Variants in JPH1 observed in about 807,000 individuals in gnomAD.
JPH1 encodes junctophilin 1.
JPH1 carries 12 observed loss-of-function variants against 53.6 expected under a neutral mutation model. The ratio of observed to expected loss-of-function variants is 0.22; its 90% confidence interval spans 0.14 to 0.36. The LOEUF is 0.36. Ranked by LOEUF, JPH1 falls within the 10% of genes least tolerant of loss-of-function variation. The pLI, the probability that JPH1 is intolerant of heterozygous loss-of-function variation, is 1.00. For synonymous variants in JPH1, 375 were observed against 363.8 expected (o/e 1.03, Z -0.35); for missense variants, 808 against 905.5 (o/e 0.89, Z 1.38).
At chr8:74,253,930 C>T (rs906384281) in intron 3 of JPH1, among the ~76,000 whole-genome samples, 2 of 152,062 alleles carry the variant, frequency 1.3e-5, no homozygotes, top group African/African-American at 4.8e-5. Context: ...AAGTCCAGGA[C>T]CAGATGGATT....
In JPH1 at chr8:74,236,288, G is replaced by A. The variant is rs1034519551; in HGVS notation, c.*763C>T. On this transcript the variant is annotated 3_prime_UTR_variant, in exon 6 of 6. Transcript: ENST00000342232. ...AGATGGTATATTGCTATCAAAATAA[G>A]CACATTTTCACTAGCATTTTGTTGT... 5 of 152,218 alleles carry A rather than the reference G, an allele frequency of 3.3e-5. No homozygotes were observed. The highest frequency in any genetic ancestry group is 1.2e-4 in the African/African-American group (5 of 41,452). 9.4% of individuals were successfully genotyped at this position (152,218 alleles called of 1,614,324 possible).
In JPH1 at chr8:74,314,993, A is replaced by T. The variant is rs775679433; in HGVS notation, c.1007T>A (p.Leu336Gln). The part of the protein sequence containing the change: ...KEEGKYKNNI[L>Q]VRGIRKQLIP... Reference sequence around the variant, plus strand: ...AAGCTGCTTCCTTATCCCACGGACCAGAATATTATTTTTGTATTTTCCCTC... The same window carrying T: ...AAGCTGCTTCCTTATCCCACGGACCTGAATATTATTTTTGTATTTTCCCTC... Residue 336 changes from leucine (L) to glutamine (Q), a missense_variant, in exon 2 of 6, where the codon CTG (leucine) becomes CAG (glutamine). Physicochemically the swap from Leu to Gln is moderately radical, Grantham distance 113. Coordinates refer to ENST00000342232, the MANE Select transcript of JPH1 (RefSeq NM_020647.4). 7 of 1,614,100 alleles carry T rather than the reference A, an allele frequency of 4.3e-6. No homozygotes were observed. In the African/African-American group the frequency reaches 9.3e-5, roughly 22 times the overall value.
chr8:74,303,142 A>T (rs1563418829), intron 2 of JPH1, among the ~76,000 whole-genome samples: 1 of 152,148 alleles, frequency 6.6e-6, no homozygotes, highest in African/African-American at 2.4e-5. Context: ...TACTTCTTAA[A>T]AAGAGCTGTG....
chr8:74,313,093 A>G (rs545282671), intron 2 of JPH1, among the ~76,000 whole-genome samples: 100 of 152,338 alleles, frequency 6.6e-4, no homozygotes, highest in Non-Finnish European at 9.4e-4. Context: ...ACTAATGATA[A>G]GTCGTTTGTT....
chr8:74,292,107 T>G (rs565367022), intron 2 of JPH1, among the ~76,000 whole-genome samples: 126 of 152,268 alleles, frequency 8.3e-4, no homozygotes, highest in Non-Finnish European at 1.5e-3. Context: ...CACACCAACA[T>G]GGCACATGTA....
intron 3 of JPH1, among the ~76,000 whole-genome samples, chr8:74,247,428 A>T (rs1272944095): frequency 1.3e-5 from 2 of 152,214 alleles, no homozygotes; most frequent in African/African-American, 4.8e-5. Context: ...ATGCTGAAAC[A>T]ATTACATAAA....
intron 2 of JPH1, among the ~76,000 whole-genome samples, chr8:74,261,798 G>A (rs1440271287): frequency 6.6e-6 from 1 of 152,154 alleles, no homozygotes; most frequent in Non-Finnish European, 1.5e-5. Flanking sequence ...TAGCTATGCT[G>A]CTTTATAATA....
intron 2 of JPH1, among the ~76,000 whole-genome samples, chr8:74,303,540 A>T (rs1279589386): frequency 1.3e-5 from 2 of 152,148 alleles, no homozygotes; most frequent in Non-Finnish European, 2.9e-5. Context: ...GCCACAGCTT[A>T]GCCCAACACA....
At chr8:74,276,340 A>T (rs961121990) in intron 2 of JPH1, among the ~76,000 whole-genome samples, 1 of 152,186 alleles carries the variant, frequency 6.6e-6, no homozygotes, top group Non-Finnish European at 1.5e-5. Context: ...AGGCAGGAGC[A>T]GGGAGATGAC....
At chr8:74,257,073 G>A (rs1009974929) in intron 3 of JPH1, among the ~76,000 whole-genome samples, 10 of 152,160 alleles carry the variant, frequency 6.6e-5, no homozygotes, top group African/African-American at 2.4e-4. Flanking sequence ...CATGAGTTAT[G>A]CTCCCTTAAG....
chr8:74,317,143 T>C (rs746743513), intron 1 of JPH1, among the ~76,000 whole-genome samples: 6 of 152,228 alleles, frequency 3.9e-5, no homozygotes, highest in Non-Finnish European at 7.3e-5. Context: ...TATATAACTG[T>C]GTTAACAATG....
At chr8:74,270,768 A>G (rs1806675079) in intron 2 of JPH1, among the ~76,000 whole-genome samples, 1 of 152,194 alleles carries the variant, frequency 6.6e-6, no homozygotes, top group Non-Finnish European at 1.5e-5. Context: ...ACTGCTTCAA[A>G]GCTTACATAC....
At chr8:74,298,630 C>A (rs559255504) in intron 2 of JPH1, among the ~76,000 whole-genome samples, 64 of 152,236 alleles carry the variant, frequency 4.2e-4, no homozygotes, top group Admixed American at 8.5e-4. Flanking sequence ...CAGCTGTACT[C>A]GACGGCACTG....
rs141616070 is a variant in JPH1, at chr8:74,244,533, T to C, written c.1901A>G (p.Asn634Ser). ...AACGCTACTTGCAGTACTTACTGAA[T>C]TGGCTTCTTTTTCCAAAGCAGGGCA... ...DSCPALEKEA[N>S]SGPNSIMIVL... The change falls in exon 4 of 6, where the codon AAT (asparagine) becomes AGT (serine). Residue 634 changes from asparagine to serine, a missense_variant. Asn to Ser is a conservative substitution (Grantham distance 46, BLOSUM62 1). This residue lies in a region of JPH1 where 756 missense variants were observed against 811.9 expected (regional missense o/e 0.93). Coordinates refer to ENST00000342232, the MANE Select transcript of JPH1 (RefSeq NM_020647.4). The C allele has an allele frequency of 3.6e-5, 57 of 1,600,878 alleles. No homozygotes were observed. The highest frequency in any genetic ancestry group is 1.7e-4 in the Middle Eastern group (1 of 6,004).
intron 2 of JPH1, among the ~76,000 whole-genome samples, chr8:74,269,263 G>A (rs1181324721): frequency 2.0e-5 from 3 of 152,182 alleles, no homozygotes; most frequent in African/African-American, 7.2e-5. Flanking sequence ...CAAAACCATT[G>A]CGCATCTTAA....
intron 3 of JPH1, among the ~76,000 whole-genome samples, chr8:74,254,134 A>T (rs1806148546): frequency 6.6e-6 from 1 of 152,154 alleles, no homozygotes. Context: ...CACTGATGCA[A>T]AAATCCTCAA....
chr8:74,251,388 G>A (rs1486277425), intron 3 of JPH1, among the ~76,000 whole-genome samples: 1 of 152,152 alleles, frequency 6.6e-6, no homozygotes, highest in East Asian at 1.9e-4. Context: ...TGTAGTTTCA[G>A]GGACTCATTT....
intron 2 of JPH1, among the ~76,000 whole-genome samples, chr8:74,281,384 C>A (rs937858137): frequency 6.6e-6 from 1 of 152,154 alleles, no homozygotes; most frequent in African/African-American, 2.4e-5. Context: ...GAGCAAAAAT[C>A]CTACTGATCC....
At chr8:74,249,424 T>C (rs1805970388) in intron 3 of JPH1, among the ~76,000 whole-genome samples, 1 of 152,198 alleles carries the variant, frequency 6.6e-6, no homozygotes, top group Non-Finnish European at 1.5e-5. Flanking sequence ...TCCTTTCCTA[T>C]AGGACTTCAC....
Sources: gnomAD v4.1 joint callset for allele counts (sites outside exome capture counted in the v4.1 genomes callset) on GRCh38, gnomAD v4.1.1 for gene constraint, gnomAD v4.1.1 regional missense constraint, MANE v1.5 for transcripts, NCBI Gene and HGNC (gene_info 2026-07-23, HGNC 2026-07-21) for gene names.